Variants in DENND2A observed in about 807,000 individuals in gnomAD.
The protein encoded by DENND2A is DENN domain containing 2A.
A neutral mutation model predicts 105.3 loss-of-function variants in DENND2A; 53 were observed. The ratio of observed to expected loss-of-function variants is 0.50; its 90% CI spans 0.40 to 0.63. The LOEUF (loss-of-function observed/expected upper bound fraction) is 0.63, where lower values mean the gene tolerates loss of function less well. Among genes scored for constraint, DENND2A ranks in the 30% least tolerant of loss-of-function variants. The pLI, the probability that DENND2A is intolerant of heterozygous loss-of-function variation, is 0.00. For missense variants in DENND2A, 1,138 were observed against 1,279.6 expected (o/e 0.89, Z 1.69); for synonymous variants, 522 against 508.4 (o/e 1.03, Z -0.36).
intron 5 of DENND2A, among the ~76,000 whole-genome samples, chr7:140,578,016 G>A (rs1425774584): frequency 6.6e-6 from 1 of 152,156 alleles, no homozygotes; most frequent in Non-Finnish European, 1.5e-5. Flanking sequence ...AAATCCCATT[G>A]TGTCCCTCTG....
At chr7:140,555,506 T>G in intron 12 of DENND2A, 130 bp downstream of exon 12, 2 of 779,222 alleles carry the variant, frequency 2.6e-6, no homozygotes, top group South Asian at 3.4e-5. Flanking sequence ...AGGAGAGGAG[T>G]GAAGAAATGG....
rs770169272 is a variant in DENND2A at position 140,544,712 on chromosome 7, A to T, written c.2233T>A (p.Ser745Thr). The change falls in exon 14 of 20, where the codon TCT becomes ACT. Residue 745 changes from serine (S) to threonine (T), a missense_variant. Transcript: ENST00000496613. The stretch of plus-strand genomic sequence containing the variant: ...CGGACGCTGAGGGAGGAGAAGAGAG[A>T]CTCAAAGTCCACGTGCTCGAGCCGG... ...DSRLEHVDFE[S>T]LFSSLSVRHL... The T allele has an allele frequency of 2.5e-6, 4 of 1,612,254 alleles. No individual in the cohort carries two copies. Among genetic ancestry groups the T allele is most frequent in the Non-Finnish European group, 3.4e-6 (4 of 1,179,372 alleles).
intron 1 of DENND2A, among the ~76,000 whole-genome samples, chr7:140,633,192 C>A (rs1455294974): frequency 6.6e-6 from 1 of 152,130 alleles, no homozygotes; most frequent in Non-Finnish European, 1.5e-5. Context: ...CCATGCCCGA[C>A]TAATTTTTTG....
At chr7:140,541,619 T>C (rs1031537378) in intron 14 of DENND2A, among the ~76,000 whole-genome samples, 1 of 152,214 alleles carries the variant, frequency 6.6e-6, no homozygotes, top group African/African-American at 2.4e-5. Flanking sequence ...TGAAGGGTTA[T>C]TACTCATCCT....
intron 5 of DENND2A, 129 bp from the exon 6 acceptor site, chr7:140,574,137 G>A (rs1585666986): frequency 2.9e-6 from 3 of 1,033,620 alleles, no homozygotes; most frequent in East Asian, 4.9e-5. Flanking sequence ...AGGTTAGGTG[G>A]AGTTTGGTTA....
chr7:140,577,089 G>A (rs1357042906), intron 5 of DENND2A, among the ~76,000 whole-genome samples: 3 of 152,222 alleles, frequency 2.0e-5, no homozygotes, highest in African/African-American at 4.8e-5. Flanking sequence ...GGATCCTGAT[G>A]TGTTCCAGGG....
In DENND2A at chr7:140,523,537, G is replaced by A. The variant is rs1795938196; in HGVS notation, c.2548-113C>T. 2.3e-6 allele frequency: 2 copies of A among 852,556 alleles called. No homozygotes were observed. Among genetic ancestry groups the A allele is most frequent in the South Asian group, 3.1e-5 (2 of 65,160 alleles). The allele number at this position is 852,556 out of a possible 1,614,324, so 52.8% of individuals were successfully genotyped here. On this transcript the variant is annotated intron_variant, in intron 16 of 19. Coordinates refer to ENST00000496613, the MANE Select transcript of DENND2A (RefSeq NM_015689.5). This position sits in a 1 kb window ranked among gnomAD's most constrained non-coding sequence, Gnocchi z 4.5. The stretch of plus-strand genomic sequence containing the variant: ...TGGCTCAGTCTCCAGTTTCATGGAA[G>A]GAATACAACTGAAAGCCAGAGGTCT...
intron 14 of DENND2A, among the ~76,000 whole-genome samples, chr7:140,535,179 G>A (rs1329033897): frequency 3.3e-5 from 5 of 152,112 alleles, no homozygotes; most frequent in Non-Finnish European, 5.9e-5. Context: ...AGAGTTTCCC[G>A]AATTAGAGGA....
At chr7:140,603,248 T>C (rs946233386) in intron 2 of DENND2A, among the ~76,000 whole-genome samples, 3 of 152,092 alleles carry the variant, frequency 2.0e-5, no homozygotes, top group Admixed American at 6.6e-5. Flanking sequence ...ATTGCACCAC[T>C]GCACTCCAGC....
chr7:140,617,186 G>T (rs1233085434), intron 1 of DENND2A, among the ~76,000 whole-genome samples: 1 of 152,202 alleles, frequency 6.6e-6, no homozygotes, highest in African/African-American at 2.4e-5. Context: ...TCCAGTAAAT[G>T]CTTCTGTTTC....
At chr7:140,635,730 T>C (rs1437299424) in intron 1 of DENND2A, among the ~76,000 whole-genome samples, 4 of 152,182 alleles carry the variant, frequency 2.6e-5, no homozygotes, top group African/African-American at 7.2e-5. Context: ...CTCAGGCTTA[T>C]CTGTTCTTTA....
intron 14 of DENND2A, among the ~76,000 whole-genome samples, chr7:140,531,474 G>A (rs559471052): frequency 6.6e-6 from 1 of 152,248 alleles, no homozygotes; most frequent in East Asian, 1.9e-4. Context: ...AAATAAGAGA[G>A]TGTGCTGCAC....
In DENND2A at chr7:140,600,559, C is replaced by T. The variant is rs1441753949; in HGVS notation, c.995+844G>A. Among the ~76,000 whole-genome samples, 7 of 152,010 alleles carry T rather than the reference C, an allele frequency of 4.6e-5. No homozygotes were observed. In the South Asian group the frequency reaches 6.2e-4, roughly 14 times the overall value. Reference sequence around the variant, plus strand: ...ATGGAGCAAGTCAACAGGTGTTCCTCGAATACTGAGAGGGGCCAATTAAGA... The same window carrying T: ...ATGGAGCAAGTCAACAGGTGTTCCTTGAATACTGAGAGGGGCCAATTAAGA... On this transcript the variant is annotated intron_variant, in intron 3 of 19. Transcript: ENST00000496613.
intron 6 of DENND2A, among the ~76,000 whole-genome samples, chr7:140,571,381 C>T (rs1217956786): frequency 6.6e-6 from 1 of 152,108 alleles, no homozygotes; most frequent in South Asian, 2.1e-4. Context: ...AGGCTGGTCT[C>T]GAACTTCTGA....
chr7:140,626,028 A>G (rs981450566), intron 1 of DENND2A, among the ~76,000 whole-genome samples: 1 of 152,158 alleles, frequency 6.6e-6, no homozygotes, highest in Non-Finnish European at 1.5e-5. Context: ...TCCCCTTCTC[A>G]GATGTGGACA....
At chr7:140,541,670 T>TTCCCCAGTGCCCGGGAGCTTGGAGAGC (rs1796664721) in intron 14 of DENND2A, among the ~76,000 whole-genome samples, 1 of 152,196 alleles carries the variant, frequency 6.6e-6, no homozygotes, top group Admixed American at 6.5e-5. Context: ...CTGGGCTGAA[T>TTCCCCAGTGCCCGGGAGCTTGGAGAGC]TCCCCAGTGC....
chr7:140,566,319 A>C (rs911478345), intron 9 of DENND2A, among the ~76,000 whole-genome samples: 1 of 152,144 alleles, frequency 6.6e-6, no homozygotes. Flanking sequence ...GGTGTGAGTC[A>C]CCGCGCCTGG....
chr7:140,536,899 G>A (rs951736461), intron 14 of DENND2A, among the ~76,000 whole-genome samples: 1 of 152,186 alleles, frequency 6.6e-6, no homozygotes, highest in African/African-American at 2.4e-5. Context: ...CTGACCTCAG[G>A]TGATCAATCT....
At position 140,640,089 on chromosome 7, in the gene DENND2A, G is replaced by A. The variant is rs1297899466; in HGVS notation, c.-248+415C>T. On this transcript the variant is annotated intron_variant, in intron 1 of 19. Coordinates refer to ENST00000496613, the MANE Select transcript of DENND2A (RefSeq NM_015689.5). The surrounding 1 kb of genome is among the most constrained non-coding windows in gnomAD (Gnocchi z 4.9). ...TCAGCCGCCTCGATGCCCCGCGCTT[G>A]CACGCGCACGCACACACTCACACAC... 2.0e-5 allele frequency among the ~76,000 whole-genome samples: 3 copies of A among 152,154 alleles called. No homozygotes were observed. The highest frequency in any genetic ancestry group is 2.9e-5 in the Non-Finnish European group (2 of 68,018).
Sources: allele counts gnomAD v4.1 joint callset (sites outside exome capture counted in the v4.1 genomes callset), GRCh38; gene constraint gnomAD v4.1.1; non-coding constraint Gnocchi (gnomAD v3.1); transcripts MANE v1.5; gene names NCBI Gene and HGNC (gene_info 2026-07-23, HGNC 2026-07-21).